FANCC: variants seen among roughly 807,000 people sequenced by gnomAD.
The protein encoded by FANCC is FA complementation group C, also known as Fanconi anemia group C protein.
Under a neutral mutation model 71.3 loss-of-function variants are expected in FANCC, and 55 were observed. That is an observed-to-expected ratio of 0.77 (90% confidence interval 0.62 to 0.97). The LOEUF is 0.97. Among genes scored for constraint, FANCC ranks in the 50% least tolerant of loss-of-function variants. The probability of loss-of-function intolerance (pLI) is 0.00; values close to 1 mark genes in which losing one functional copy is unlikely to be tolerated. For missense variants in FANCC, 678 were observed against 670.9 expected, an observed-to-expected ratio of 1.01 and a Z score of -0.12; for synonymous variants, 275 against 244.9, an observed-to-expected ratio of 1.12 and a Z score of -1.15.
intron 1 of FANCC, among the ~76,000 whole-genome samples, chr9:95,284,424 G>A (rs1833552857): frequency 6.6e-6 from 1 of 152,198 alleles, no homozygotes; most frequent in Admixed American, 6.5e-5. Context: ...CAAAATGACT[G>A]TAAAAGTCAT....
chr9:95,266,368 T>C (rs956532752), intron 1 of FANCC, among the ~76,000 whole-genome samples: 2 of 152,234 alleles, frequency 1.3e-5, no homozygotes, highest in Non-Finnish European at 2.9e-5. Context: ...ACTAACCATG[T>C]AGGGCTTGGT....
At chr9:95,173,644 G>A (rs939479580) in intron 4 of FANCC, among the ~76,000 whole-genome samples, 1 of 152,106 alleles carries the variant, frequency 6.6e-6, no homozygotes, top group African/African-American at 2.4e-5. Flanking sequence ...GGCCAGGCAC[G>A]GTGGCTCACA....
At chr9:95,244,890 G>A (rs955768624) in intron 3 of FANCC, among the ~76,000 whole-genome samples, 1 of 151,830 alleles carries the variant, frequency 6.6e-6, no homozygotes, top group African/African-American at 2.4e-5. Context: ...TCTTAGTGTT[G>A]TATTCTAGGG....
intron 4 of FANCC, among the ~76,000 whole-genome samples, chr9:95,177,718 C>T (rs1268811970): frequency 6.6e-6 from 1 of 152,032 alleles, no homozygotes; most frequent in Non-Finnish European, 1.5e-5. Flanking sequence ...ACACTGCCAC[C>T]CAGACACTTG....
intron 4 of FANCC, among the ~76,000 whole-genome samples, chr9:95,225,363 AG>A (rs1359172474): frequency 6.6e-6 from 1 of 152,184 alleles, no homozygotes; most frequent in Non-Finnish European, 1.5e-5. Flanking sequence ...AAATACAGTG[AG>A]CTTATGTCTT....
intron 12 of FANCC, 72 bp from the exon 13 acceptor site, chr9:95,111,709 T>C (rs572059522): frequency 6.3e-7 from 1 of 1,579,146 alleles, no homozygotes; most frequent in South Asian, 1.1e-5. Flanking sequence ...AAAGCAACTT[T>C]AACGTTTGCC....
intron 1 of FANCC, 32 bp downstream of exon 1, chr9:95,317,494 G>GC (rs1835841339): frequency 1.3e-5 from 2 of 152,328 alleles, no homozygotes; most frequent in Admixed American, 6.5e-5. Flanking sequence ...GGAAGCCTCC[G>GC]CCCTCGCTGC....
intron 12 of FANCC, among the ~76,000 whole-genome samples, chr9:95,113,419 G>A (rs1175590670): frequency 6.6e-6 from 1 of 152,156 alleles, no homozygotes; most frequent in African/African-American, 2.4e-5. Context: ...AGAGTGTTAT[G>A]ATACAAGGAA....
intron 4 of FANCC, among the ~76,000 whole-genome samples, chr9:95,215,752 T>C (rs1168924974): frequency 6.6e-6 from 1 of 152,214 alleles, no homozygotes; most frequent in African/African-American, 2.4e-5. Flanking sequence ...ACAGCCTCAT[T>C]TGAGGAACCA....
intron 4 of FANCC, among the ~76,000 whole-genome samples, chr9:95,224,958 T>C (rs1829522355): frequency 6.6e-6 from 1 of 152,256 alleles, no homozygotes; most frequent in Non-Finnish European, 1.5e-5. Flanking sequence ...TCATGATTTA[T>C]GGGTTTAAAT....
At chr9:95,148,030 A>G (rs1234948338) in intron 7 of FANCC, among the ~76,000 whole-genome samples, 17 of 152,186 alleles carry the variant, frequency 1.1e-4, no homozygotes, top group Non-Finnish European at 1.5e-5. Context: ...TGATAGCGCA[A>G]AAGCAACAGT....
intron 1 of FANCC, among the ~76,000 whole-genome samples, chr9:95,291,031 T>C (rs1455797270): frequency 6.6e-6 from 1 of 152,156 alleles, no homozygotes; most frequent in Non-Finnish European, 1.5e-5. Context: ...TTCGACATCT[T>C]TCATGATAAA....
At chr9:95,108,753 C>CTGTT (rs2071662874) in intron 13 of FANCC, among the ~76,000 whole-genome samples, 1 of 152,200 alleles carries the variant, frequency 6.6e-6, no homozygotes, top group Non-Finnish European at 1.5e-5. Context: ...AAAAGACTCA[C>CTGTT]TGTTAATAAT....
At chr9:95,210,953 T>C (rs1048471304) in intron 4 of FANCC, among the ~76,000 whole-genome samples, 2 of 152,194 alleles carry the variant, frequency 1.3e-5, no homozygotes, top group African/African-American at 2.4e-5. Flanking sequence ...CATATTAATA[T>C]ATATACTAAC....
At chr9:95,169,522 G>A (rs1430936223) in intron 6 of FANCC, among the ~76,000 whole-genome samples, 1 of 152,198 alleles carries the variant, frequency 6.6e-6, no homozygotes, top group Non-Finnish European at 1.5e-5. Flanking sequence ...TAAAAAGTGA[G>A]AATGTTGGAT....
intron 4 of FANCC, among the ~76,000 whole-genome samples, chr9:95,229,888 T>G (rs921555812): frequency 6.6e-6 from 1 of 152,124 alleles, no homozygotes; most frequent in Non-Finnish European, 1.5e-5. Flanking sequence ...GTCTTACCTT[T>G]TAGAAAAAGA....
intron 1 of FANCC, among the ~76,000 whole-genome samples, chr9:95,282,789 A>T (rs1158372736): frequency 6.6e-6 from 1 of 152,216 alleles, no homozygotes; most frequent in African/African-American, 2.4e-5. Context: ...AAACCTTGAA[A>T]ACTTTACAAA....
At chr9:95,146,403 G>A (rs926318871) in intron 7 of FANCC, among the ~76,000 whole-genome samples, 3 of 141,058 alleles carry the variant, frequency 2.1e-5, no homozygotes, top group Admixed American at 7.6e-5. Context: ...TGGGAGGATC[G>A]CCTGAGCCTG....
Position 95,135,390 on chromosome 9 carries a change from T to TTC in FANCC, c.797_798dup (p.Asn267GlufsTer4), listed in dbSNP as rs1380999715. 1.2e-6 allele frequency: 2 copies of TTC among 1,614,090 alleles called. No individual in the cohort carries two copies. The stretch of plus-strand genomic sequence containing the variant: ...AAGCATTCGATCCTTCTCAGACAAT[T>TTC]TCTCTCACTGGAGATTAGCTTTTCA... On this transcript the variant is annotated frameshift_variant, in exon 8 of 15. Transcript: ENST00000289081. LOFTEE classifies it high-confidence loss of function.
Sources: gnomAD v4.1 joint callset for allele counts (sites outside exome capture counted in the v4.1 genomes callset) on GRCh38, gnomAD v4.1.1 for gene constraint, MANE v1.5 for transcripts, NCBI Gene and HGNC (gene_info 2026-07-23, HGNC 2026-07-21) for gene names.